RC3H1: variants seen among roughly 807,000 people sequenced by gnomAD.
RC3H1 encodes the protein ring finger and CCCH-type domains 1.
In RC3H1, 50 loss-of-function variants were observed where a neutral mutation model predicts 138.2. That is an observed-to-expected ratio of 0.36 (90% CI 0.29 to 0.46). The LOEUF is 0.46. Ranked by LOEUF, RC3H1 falls within the 20% of genes least tolerant of loss-of-function variation. The pLI is 1.00. For synonymous variants in RC3H1, 462 were observed against 489.1 expected (o/e 0.94, Z 0.73); for missense variants, 1,031 against 1,388.1 (o/e 0.74, Z 4.09).
At chr1:173,992,712 A>AGG (rs1661344702) in intron 2 of RC3H1, 43 bp downstream of exon 2, 1 of 1,405,118 alleles carries the variant, frequency 7.1e-7, no homozygotes, top group Non-Finnish European at 1.0e-6. Context: ...AGAGAGAGAG[A>AGG]GAGAGAGGGA....
chr1:173,972,175 A>G (rs970175810), intron 8 of RC3H1, among the ~76,000 whole-genome samples: 1 of 152,204 alleles, frequency 6.6e-6, no homozygotes, highest in African/African-American at 2.4e-5. Flanking sequence ...TAAACAAACT[A>G]AAGAGAATAA....
intron 2 of RC3H1, among the ~76,000 whole-genome samples, chr1:173,991,821 A>G (rs921774460): frequency 2.0e-5 from 3 of 152,194 alleles, no homozygotes; most frequent in Non-Finnish European, 4.4e-5. Context: ...GTGATTATAT[A>G]TTTTAAAGTC....
chr1:173,937,076 A>T lies in RC3H1; in HGVS notation c.*1645T>A, dbSNP rs1658635242. The T allele has an allele frequency of 6.6e-6, 1 of 152,276 alleles. No homozygotes were observed. The highest frequency in any genetic ancestry group is 1.5e-5 in the Non-Finnish European group (1 of 67,966). 9.4% of individuals were successfully genotyped at this position (152,276 alleles called of 1,614,324 possible). A position where few individuals can be genotyped will look rare whatever the true frequency, so the allele number is the denominator to read the frequency against. On this transcript the variant is annotated 3_prime_UTR_variant, in exon 20 of 20. Transcript: ENST00000367696. ...ATAATCAAATTCAATGTGAAATAGT[A>T]TATAAACACGGTGCCTTGACTGGGC...
chr1:173,941,971 G>A (rs1363778919), intron 18 of RC3H1, among the ~76,000 whole-genome samples: 2 of 150,414 alleles, frequency 1.3e-5, no homozygotes, highest in African/African-American at 4.9e-5. Flanking sequence ...AGGCATGGTG[G>A]CTCACACCAG....
chr1:173,958,420 C>T (rs1659732401), intron 13 of RC3H1, among the ~76,000 whole-genome samples: 1 of 151,988 alleles, frequency 6.6e-6, no homozygotes, highest in South Asian at 2.1e-4. Context: ...TGGCACATGC[C>T]TATAATACCA....
intron 17 of RC3H1, 54 bp downstream of exon 17, chr1:173,946,422 A>G: frequency 6.5e-7 from 1 of 1,549,046 alleles, no homozygotes; most frequent in Non-Finnish European, 8.7e-7. Context: ...TTCCTATTTA[A>G]AATCTCTGAG....
Position 173,934,439 on chromosome 1 carries a change from GGCTA to G in RC3H1, c.*4278_*4281del, listed in dbSNP as rs1243518508. ...TTTTCATTACTTTTACATTTTATAA[GGCTA>G]GCTAACTTTAACAGTTAACTTTAGA... On this transcript the variant is annotated 3_prime_UTR_variant, in exon 20 of 20. Coordinates refer to ENST00000367696, the MANE Select transcript of RC3H1 (RefSeq NM_172071.4). The G allele has an allele frequency of 1.3e-5, 2 of 152,132 alleles. No individual in the cohort carries two copies. Among genetic ancestry groups the G allele is most frequent in the African/African-American group, 4.8e-5 (2 of 41,424 alleles). 9.4% of individuals were successfully genotyped at this position (152,132 alleles called of 1,614,324 possible).
intron 9 of RC3H1, among the ~76,000 whole-genome samples, chr1:173,966,856 T>A (rs1660145511): frequency 6.6e-6 from 1 of 152,206 alleles, no homozygotes; most frequent in South Asian, 2.1e-4. Flanking sequence ...TTGTTGAAAG[T>A]CTAGTGTATC....
intron 1 of RC3H1, among the ~76,000 whole-genome samples, chr1:174,016,879 C>A (rs1275670401): frequency 6.6e-6 from 1 of 151,836 alleles, no homozygotes; most frequent in Non-Finnish European, 1.5e-5. Flanking sequence ...CTAATTTTGT[C>A]TCCCTCAGTC....
At chr1:173,980,279 G>C (rs913920923) in intron 6 of RC3H1, among the ~76,000 whole-genome samples, 1 of 149,798 alleles carries the variant, frequency 6.7e-6, no homozygotes, top group African/African-American at 2.4e-5. Context: ...AAAAAAAGGT[G>C]GGGGGGAATA....
intron 2 of RC3H1, among the ~76,000 whole-genome samples, chr1:173,985,346 G>C (rs530735783): frequency 1.3e-5 from 2 of 149,154 alleles, no homozygotes; most frequent in East Asian, 3.9e-4. Context: ...TTAACCTTTT[G>C]AAAAACTGCC....
Position 173,972,613 on chromosome 1 carries a change from T to A in RC3H1, c.1117A>T (p.Thr373Ser). 1 of 1,611,020 alleles carries A rather than the reference T, an allele frequency of 6.2e-7. No homozygotes were observed. Among genetic ancestry groups the A allele is most frequent in the South Asian group, 1.1e-5 (1 of 91,020 alleles). Reference protein sequence around the residue: ...IDPSPDAPPPTWEQLENGLVA... With the variant: ...IDPSPDAPPPSWEQLENGLVA... ...AGCCCATTTTCCAGCTGTTCCCAAG[T>A]AGGAGGAGGAGCATCTATACAACCA... is the stretch of plus-strand genomic sequence containing the variant. Residue 373 changes from threonine to serine, a missense_variant, in exon 8 of 20, where the codon ACT (threonine) becomes TCT (serine). Physicochemically the swap from Thr to Ser is moderately conservative, Grantham distance 58. Around this residue, in one of 7 missense-constraint regions of RC3H1, gnomAD observed 142 missense variants for 224.6 expected, o/e 0.63. Transcript: ENST00000367696.
intron 18 of RC3H1, among the ~76,000 whole-genome samples, chr1:173,941,847 C>T (rs1658875520): frequency 6.6e-6 from 1 of 150,426 alleles, no homozygotes; most frequent in South Asian, 2.1e-4. Context: ...GGGAGAATCA[C>T]TTGAACCCAG....
chr1:173,996,286 TA>T (rs527481550), intron 1 of RC3H1, among the ~76,000 whole-genome samples: 26 of 144,164 alleles, frequency 1.8e-4, no homozygotes, highest in South Asian at 2.2e-4. Flanking sequence ...ATACATTAAG[TA>T]AAAAAAAAAG....
rs1028093566 is a variant in RC3H1, at chr1:173,932,114, A to T, written c.*6607T>A. The T allele has an allele frequency of 1.3e-5, 2 of 152,148 alleles. No individual in the cohort carries two copies. The highest frequency in any genetic ancestry group is 2.9e-5 in the Non-Finnish European group (2 of 68,006). The allele number at this position is 152,148 out of a possible 1,614,324, so 9.4% of individuals were successfully genotyped here. ...CTCATGGGCTCCTTTATTAACCAAG[A>T]TTATTTTTGTCTTGTTAAATATACC... On this transcript the variant is annotated 3_prime_UTR_variant, in exon 20 of 20. Transcript: ENST00000367696.
At chr1:174,015,139 G>A (rs929655041) in intron 1 of RC3H1, among the ~76,000 whole-genome samples, 4 of 151,938 alleles carry the variant, frequency 2.6e-5, no homozygotes, top group African/African-American at 9.7e-5. Flanking sequence ...GCTGTGGGAC[G>A]AGAAAATAGA....
Position 173,964,946 on chromosome 1 carries a change from T to C in RC3H1, c.1509A>G (p.Thr503=). 3 of 1,614,158 alleles carry C rather than the reference T, an allele frequency of 1.9e-6. No homozygotes were observed. The highest frequency in any genetic ancestry group is 2.5e-6 in the Non-Finnish European group (3 of 1,180,010). ...LPNGIVSTGN[T]VTQLIPRGTD... ...TCCCTCGCGGAATAAGCTGTGTTACTGTATTCCCTGTTGATACAATTCCAT... is the reference window on the plus strand; with the variant it reads ...TCCCTCGCGGAATAAGCTGTGTTACCGTATTCCCTGTTGATACAATTCCAT... Residue 503 remains threonine (T), a synonymous_variant, in exon 10 of 20, where the codon ACA becomes ACG. Transcript: ENST00000367696.
chr1:173,993,947 G>C (rs1474950561), intron 1 of RC3H1, among the ~76,000 whole-genome samples: 1 of 149,550 alleles, frequency 6.7e-6, no homozygotes, highest in East Asian at 2.0e-4. Flanking sequence ...TTAAACCCGG[G>C]AGGCGGAGGT....
At chr1:174,016,200 C>CAA in intron 1 of RC3H1, 1 of 149,694 alleles carries the variant, frequency 6.7e-6, no homozygotes, top group Non-Finnish European at 1.5e-5. Context: ...GACTCCGTCT[C>CAA]AAAAAAAAAG....
Sources: gnomAD v4.1 joint callset for allele counts (sites outside exome capture counted in the v4.1 genomes callset) on GRCh38, gnomAD v4.1.1 for gene constraint, gnomAD v4.1.1 regional missense constraint, MANE v1.5 for transcripts, NCBI Gene and HGNC (gene_info 2026-07-23, HGNC 2026-07-21) for gene names.